The following TG variants were observed in gnomAD, a reference collection of about 807,000 sequenced individuals.
TG encodes the protein thyroid hormones.
A neutral mutation model predicts 324.7 loss-of-function variants in TG; 270 were observed. The observed-to-expected ratio is 0.83, with a 90% CI of 0.75 to 0.92. The LOEUF (loss-of-function observed/expected upper bound fraction) is 0.92. Among genes scored for constraint, TG ranks in the 40% least tolerant of loss-of-function variants. TG has a pLI of 0.00. For synonymous variants in TG, 1,401 were observed against 1,327.0 expected (o/e 1.06, Z -1.21); for missense variants, 3,591 against 3,456.4 (o/e 1.04, Z -0.98).
At chr8:132,955,624 T>G (rs529410283) in intron 27 of TG, among the ~76,000 whole-genome samples, 1 of 152,212 alleles carries the variant, frequency 6.6e-6, no homozygotes. Flanking sequence ...CAGCGTTCAG[T>G]AGGCTAATTA....
intron 22 of TG, among the ~76,000 whole-genome samples, chr8:132,927,218 G>A (rs113949220): frequency 6.6e-6 from 1 of 152,036 alleles, no homozygotes; most frequent in African/African-American, 2.4e-5. Flanking sequence ...TCCTGGTGTT[G>A]TGATGATGTT....
At chr8:132,872,340 T>C (rs913392287) in intron 4 of TG, among the ~76,000 whole-genome samples, 1 of 151,520 alleles carries the variant, frequency 6.6e-6, no homozygotes, top group Non-Finnish European at 1.5e-5. Flanking sequence ...TAGCCGGGCG[T>C]GGTGGCGGGC....
intron 34 of TG, among the ~76,000 whole-genome samples, chr8:132,981,029 A>T (rs1404925283): frequency 6.6e-6 from 1 of 152,210 alleles, no homozygotes; most frequent in Admixed American, 6.5e-5. Flanking sequence ...ATGATGAAAA[A>T]GAATAGATTC....
Position 133,024,526 on chromosome 8 carries a change from A to G in TG, c.7036+2376A>G, listed in dbSNP as rs141069992. On this transcript the variant is annotated intron_variant, in intron 40 of 47. Transcript: ENST00000220616. ...AATCTAGGTTTTAAGCCCCACATGC[A>G]TTAGGTATTTGTCCTAATGCTCTCC... Among the ~76,000 whole-genome samples the G allele has an allele frequency of 3.0e-3, 452 of 152,014 alleles. 2 individuals are homozygous for G. The highest frequency in any genetic ancestry group is 5.2e-3 in the Non-Finnish European group (355 of 67,978).
At chr8:132,900,095 C>T in intron 14 of TG, 142 bp from the exon 15 acceptor site, 1 of 712,606 alleles carries the variant, frequency 1.4e-6, no homozygotes, top group Non-Finnish European at 2.5e-6. Context: ...AGGAGAGCAC[C>T]TCTCCCCACC....
At chr8:133,067,631 C>G (rs1237359563) in intron 41 of TG, among the ~76,000 whole-genome samples, 3 of 152,032 alleles carry the variant, frequency 2.0e-5, no homozygotes, top group Non-Finnish European at 4.4e-5. Context: ...CAAAAATTAG[C>G]TGGGTGTGGT....
At chr8:132,948,187 C>CT (rs1825596832) in intron 26 of TG, among the ~76,000 whole-genome samples, 1 of 151,090 alleles carries the variant, frequency 6.6e-6, no homozygotes, top group Non-Finnish European at 1.5e-5. Context: ...CGTCCCCCCC[C>CT]AAAAAAAGTT....
intron 41 of TG, among the ~76,000 whole-genome samples, chr8:133,067,829 A>G (rs1263927051): frequency 1.3e-5 from 2 of 149,648 alleles, no homozygotes; most frequent in Non-Finnish European, 3.0e-5. Context: ...AGGAAGGGGG[A>G]GAGAGAGAGA....
chr8:133,056,463 G>A (rs1263998369), intron 41 of TG, among the ~76,000 whole-genome samples: 2 of 152,154 alleles, frequency 1.3e-5, no homozygotes, highest in African/African-American at 4.8e-5. Flanking sequence ...TTCGAGACGA[G>A]CCCATCCTCT....
chr8:132,951,821 G>T (rs1269811063), intron 27 of TG, among the ~76,000 whole-genome samples: 1 of 152,202 alleles, frequency 6.6e-6, no homozygotes, highest in Non-Finnish European at 1.5e-5. Context: ...ACCCCTGGAG[G>T]TGAGAGGGAG....
intron 43 of TG, among the ~76,000 whole-genome samples, chr8:133,112,583 G>A (rs532697414): frequency 2.5e-4 from 38 of 151,660 alleles, no homozygotes; most frequent in African/African-American, 9.0e-4. Context: ...AAGGGGAGGG[G>A]AAGAGAAGGT....
chr8:132,901,121 C>T (rs1303348423), intron 15 of TG, among the ~76,000 whole-genome samples: 1 of 152,188 alleles, frequency 6.6e-6, no homozygotes, highest in African/African-American at 2.4e-5. Context: ...TCCTTTAAGA[C>T]TCTAAGCTGC....
intron 41 of TG, among the ~76,000 whole-genome samples, chr8:133,086,213 T>C (rs1246913725): frequency 6.6e-6 from 1 of 152,114 alleles, no homozygotes; most frequent in Non-Finnish European, 1.5e-5. Flanking sequence ...GGGTGGAGAA[T>C]GGGGAATGAC....
At chr8:133,035,433 C>A (rs1263306953) in intron 41 of TG, among the ~76,000 whole-genome samples, 1 of 152,116 alleles carries the variant, frequency 6.6e-6, no homozygotes, top group Non-Finnish European at 1.5e-5. Context: ...TGACCTAATA[C>A]ATTATCCATT....
rs1828612523 is a variant in TG at position 132,966,688 on chromosome 8, T to C, written c.5677T>C (p.Cys1893Arg). 1 of 1,614,126 alleles carries C rather than the reference T, an allele frequency of 6.2e-7. No individual in the cohort carries two copies. The highest frequency in any genetic ancestry group is 8.5e-7 in the Non-Finnish European group (1 of 1,180,002). The part of the protein sequence containing the change: ...LFSAQQANLW[C>R]LSRCVQEHSF... Reference sequence around the variant, plus strand: ...TTCAGCCCAGCAGGCAAACCTATGGTGCCTTTCTCGTAAGTATCCTTAGAA... The same window carrying C: ...TTCAGCCCAGCAGGCAAACCTATGGCGCCTTTCTCGTAAGTATCCTTAGAA... Residue 1893 changes from cysteine (C) to arginine (R), a missense_variant, in exon 30 of 48, where the codon TGC becomes CGC. Transcript: ENST00000220616.
At chr8:132,905,582 G>T (rs79970221) in intron 16 of TG, among the ~76,000 whole-genome samples, 2,596 of 152,252 alleles carry the variant, frequency 0.017, 69 homozygotes, top group African/African-American at 0.056. Context: ...GAGTGTGTTT[G>T]CTCTTTAATT....
chr8:133,092,890 G>T (rs1847790920), intron 41 of TG, among the ~76,000 whole-genome samples: 1 of 152,204 alleles, frequency 6.6e-6, no homozygotes. Context: ...TTAAGAGAAA[G>T]AAACATTCTC....
At chr8:133,103,936 T>G (rs1849563116) in intron 43 of TG, among the ~76,000 whole-genome samples, 1 of 152,202 alleles carries the variant, frequency 6.6e-6, no homozygotes, top group South Asian at 2.1e-4. Flanking sequence ...ATTTCAGATC[T>G]TAGAAATGCC....
Position 132,893,791 on chromosome 8 carries a change from GA to G in TG, c.2864del (p.Glu955GlyfsTer11), listed in dbSNP as rs1563920665. ...ASNSSRFPLG[E>X]SFLVAKGIRL... ...CAACAGTTCTCGGTTCCCTCTGGGG[GA>G]GAGTTTCCTGGTGGCCAAGGGAATC... On this transcript the variant is annotated frameshift_variant, in exon 11 of 48. Coordinates refer to ENST00000220616, the MANE Select transcript of TG (RefSeq NM_003235.5). LOFTEE classifies it high-confidence loss of function. 1 of 1,614,002 alleles carries G rather than the reference GA, an allele frequency of 6.2e-7. No individual in the cohort carries two copies. Among genetic ancestry groups the G allele is most frequent in the East Asian group, 2.2e-5 (1 of 44,872 alleles).
Sources: gnomAD v4.1 joint callset for allele counts (sites outside exome capture counted in the v4.1 genomes callset) on GRCh38, gnomAD v4.1.1 for gene constraint, MANE v1.5 for transcripts, NCBI Gene and HGNC (gene_info 2026-07-23, HGNC 2026-07-21) for gene names.